Variants in LCA5L observed in about 807,000 individuals in gnomAD.
LCA5L encodes the protein lebercilin LCA5 like.
LCA5L carries 35 observed loss-of-function variants against 45.4 expected under a neutral mutation model. The observed-to-expected ratio is 0.77, with a 90% CI of 0.59 to 1.02. The LOEUF is 1.02. LCA5L is among the 50% of genes least tolerant of loss of function. LCA5L has a pLI of 0.00. For missense variants in LCA5L, 668 were observed against 761.6 expected, an observed-to-expected ratio of 0.88 and a Z score of 1.45; for synonymous variants, 233 against 264.7, an observed-to-expected ratio of 0.88 and a Z score of 1.16.
Position 39,420,834 on chromosome 21 carries a change from T to A in LCA5L, c.847A>T (p.Lys283Ter). The change falls in exon 7 of 11, where the codon AAA (lysine) becomes TAA (stop). Residue 283 changes from lysine (K) to a stop codon, truncating the protein, a stop_gained. Coordinates refer to ENST00000288350, the MANE Select transcript of LCA5L (RefSeq NM_152505.4). LOFTEE classifies it high-confidence loss of function. The part of the protein sequence containing the change: ...ANDKKIQSLE[K>*]QLRLNCRAFS... ...GCTCTGCAGTTCAACCTCAGTTGTT[T>A]TTCCAAGCTCTGAAAACAGTATATA... The A allele has an allele frequency of 6.2e-7, 1 of 1,612,790 alleles. No individual in the cohort carries two copies.
At chr21:39,421,101 G>GTTT (rs200770360) in intron 6 of LCA5L, among the ~76,000 whole-genome samples, 4 of 125,410 alleles carry the variant, frequency 3.2e-5, no homozygotes, top group East Asian at 2.2e-4. Context: ...TTAACAATTC[G>GTTT]TTTTTTTTTT....
At chr21:39,414,476 TC>T (rs2040683798) in intron 7 of LCA5L, among the ~76,000 whole-genome samples, 1 of 152,170 alleles carries the variant, frequency 6.6e-6, no homozygotes, top group African/African-American at 2.4e-5. Context: ...ACCAGACTCT[TC>T]CAAGCTCAAA....
intron 7 of LCA5L, among the ~76,000 whole-genome samples, chr21:39,414,774 GTGTGTC>G (rs1357072065): frequency 6.6e-6 from 1 of 151,358 alleles, no homozygotes; most frequent in East Asian, 1.9e-4. Context: ...GTGTGTGTGT[GTGTGTC>G]TGTGCATATT....
rs747262941 is a variant in LCA5L, at chr21:39,405,978, G to T, written c.1917C>A (p.Ala639=). Residue 639 remains alanine (A), a synonymous_variant, in exon 11 of 11, where the codon GCC becomes GCA. Coordinates refer to ENST00000288350, the MANE Select transcript of LCA5L (RefSeq NM_152505.4). ...AGTCTCCGAAAGCATGGCTGGTGGAGGCCTGACTGGGAGGCAGGGGATGCG... is the reference window on the plus strand; with the variant it reads ...AGTCTCCGAAAGCATGGCTGGTGGATGCCTGACTGGGAGGCAGGGGATGCG... ...KESHPLPPSQ[A]STSHAFGDSK... is the part of the protein sequence containing the mutation. 1 of 1,614,118 alleles carries T rather than the reference G, an allele frequency of 6.2e-7. No homozygotes were observed. The highest frequency in any genetic ancestry group is 8.5e-7 in the Non-Finnish European group (1 of 1,179,950).
Position 39,410,350 on chromosome 21 carries a change from C to A in LCA5L, c.1078G>T (p.Val360Phe), listed in dbSNP as rs1428751996. The stretch of plus-strand genomic sequence containing the variant: ...GGCAAAATTTTTCTGTCTGCTTGGA[C>A]TGATTTTGTTGAAGAAACTATGGAA... Reference protein sequence around the residue: ...DYPKVSSTKSVQADRKILPFT... With the variant: ...DYPKVSSTKSFQADRKILPFT... Residue 360 changes from valine to phenylalanine, a missense_variant, in exon 9 of 11, where the codon GTC becomes TTC. By Grantham distance (50) the Val-to-Phe change is conservative. Transcript: ENST00000288350. 1 of 1,600,196 alleles carries A rather than the reference C, an allele frequency of 6.2e-7. No homozygotes were observed. The highest frequency in any genetic ancestry group is 1.1e-5 in the South Asian group (1 of 88,668).
chr21:39,428,409 A>T lies in LCA5L; in HGVS notation c.85T>A (p.Cys29Ser), dbSNP rs2075132672. 6.2e-7 allele frequency: 1 copy of T among 1,612,946 alleles called. No homozygotes were observed. The highest frequency in any genetic ancestry group is 8.5e-7 in the Non-Finnish European group (1 of 1,179,710). ...ALENNRRSAA[C>S]KRSPGTGDFS... ...TCGCCTGTGCCTGGGCTTCTCTTGC[A>T]TGCTGCAGACCTCCTATTGTTTTCT... The change falls in exon 5 of 11, where the codon TGC (cysteine) becomes AGC (serine). Residue 29 changes from cysteine (C) to serine (S), a missense_variant. Transcript: ENST00000288350.
intron 2 of LCA5L, among the ~76,000 whole-genome samples, chr21:39,438,129 C>T (rs1289334257): frequency 2.0e-5 from 3 of 152,228 alleles, no homozygotes; most frequent in Non-Finnish European, 4.4e-5. Context: ...AAACTACAGT[C>T]ACTAAAATAG....
At chr21:39,411,408 A>T (rs73365940) in intron 8 of LCA5L, among the ~76,000 whole-genome samples, 1 of 152,156 alleles carries the variant, frequency 6.6e-6, no homozygotes, top group African/African-American at 2.4e-5. Flanking sequence ...AAAGCCATAC[A>T]CTGGCTAACA....
chr21:39,412,594 G>A (rs1165302018), intron 7 of LCA5L, among the ~76,000 whole-genome samples: 1 of 151,308 alleles, frequency 6.6e-6, no homozygotes, highest in Non-Finnish European at 1.5e-5. Context: ...TGACAGACGT[G>A]CATGTGCACA....
chr21:39,428,514 A>C lies in LCA5L; in HGVS notation c.-10-11T>G. On this transcript the variant is annotated splice_polypyrimidine_tract_variant and intron_variant, in intron 4 of 10. Coordinates refer to ENST00000288350, the MANE Select transcript of LCA5L (RefSeq NM_152505.4). ...GACATAGCAAACAACCTAATAAAAGAAAAGTAAAACCTAATAAAAGTATTT... is the reference window on the plus strand; with the variant it reads ...GACATAGCAAACAACCTAATAAAAGCAAAGTAAAACCTAATAAAAGTATTT... 3 of 1,441,736 alleles carry C rather than the reference A, an allele frequency of 2.1e-6. No individual in the cohort carries two copies. Among genetic ancestry groups the C allele is most frequent in the Non-Finnish European group, 2.8e-6 (3 of 1,084,344 alleles). 89.3% of individuals were successfully genotyped at this position (1,441,736 alleles called of 1,614,324 possible). A position where few individuals can be genotyped will look rare whatever the true frequency, so the allele number is the denominator to read the frequency against.
At chr21:39,415,662 T>C (rs2041004062) in intron 7 of LCA5L, among the ~76,000 whole-genome samples, 1 of 152,264 alleles carries the variant, frequency 6.6e-6, no homozygotes, top group Non-Finnish European at 1.5e-5. Context: ...TTCTATAGTT[T>C]TTAAAAGGTT....
intron 3 of LCA5L, among the ~76,000 whole-genome samples, chr21:39,430,795 G>C (rs1005821402): frequency 4.2e-4 from 64 of 152,064 alleles, no homozygotes; most frequent in Admixed American, 4.1e-3. Flanking sequence ...CATACCCTGT[G>C]GTTCAAACAA....
At chr21:39,444,422 T>C (rs1311743343) in intron 1 of LCA5L, among the ~76,000 whole-genome samples, 1 of 152,204 alleles carries the variant, frequency 6.6e-6, no homozygotes, top group Non-Finnish European at 1.5e-5. Flanking sequence ...GCTGACCCGG[T>C]TTAAAAGTTG....
intron 10 of LCA5L, among the ~76,000 whole-genome samples, chr21:39,407,576 A>G (rs1454777585): frequency 6.6e-6 from 1 of 152,204 alleles, no homozygotes; most frequent in Non-Finnish European, 1.5e-5. Context: ...TAAATAAGGT[A>G]TGGCACGTGC....
At position 39,411,714 on chromosome 21, in the gene LCA5L, A is replaced by T; in HGVS notation, c.1060+4T>A. ...GATTTTGAGCAAAAGTAATTAAAACATACCTTTTGGATAGTCCTCTGTGTC... is the reference window on the plus strand; with the variant it reads ...GATTTTGAGCAAAAGTAATTAAAACTTACCTTTTGGATAGTCCTCTGTGTC... On this transcript the variant is annotated splice_donor_region_variant and intron_variant, in intron 8 of 10. Transcript: ENST00000288350. 1 of 1,401,018 alleles carries T rather than the reference A, an allele frequency of 7.1e-7. No individual in the cohort carries two copies. Among genetic ancestry groups the T allele is most frequent in the East Asian group, 2.3e-5 (1 of 43,090 alleles). 86.8% of individuals were successfully genotyped at this position (1,401,018 alleles called of 1,614,324 possible).
chr21:39,405,828 A>C lies in LCA5L; in HGVS notation c.*54T>G. 7.6e-7 allele frequency: 1 copy of C among 1,310,406 alleles called. No individual in the cohort carries two copies. Among genetic ancestry groups the C allele is most frequent in the Non-Finnish European group, 1.0e-6 (1 of 974,436 alleles). 81.2% of individuals were successfully genotyped at this position (1,310,406 alleles called of 1,614,324 possible). A position where few individuals can be genotyped will look rare whatever the true frequency, so the allele number is the denominator to read the frequency against. Reference sequence around the variant, plus strand: ...TCACACATTTCAAAAATAAGATGCAAGGCACATAAGCAGCATTATATCAAA... The same window carrying C: ...TCACACATTTCAAAAATAAGATGCACGGCACATAAGCAGCATTATATCAAA... On this transcript the variant is annotated 3_prime_UTR_variant, in exon 11 of 11. Transcript: ENST00000288350.
chr21:39,413,971 ACGGTCCTC>A (rs1397600501), intron 7 of LCA5L: 2 of 152,314 alleles, frequency 1.3e-5, no homozygotes, highest in African/African-American at 4.8e-5. Context: ...AACCTGGAGG[ACGGTCCTC>A]CTTGCGGCTT....
chr21:39,432,657 C>A (rs1273963177), intron 3 of LCA5L, among the ~76,000 whole-genome samples: 1 of 152,142 alleles, frequency 6.6e-6, no homozygotes, highest in Non-Finnish European at 1.5e-5. Flanking sequence ...CATTGTAATT[C>A]CTCTCATCCT....
intron 5 of LCA5L, 83 bp downstream of exon 5, chr21:39,428,089 A>G: frequency 3.9e-6 from 3 of 765,538 alleles, no homozygotes; most frequent in Non-Finnish European, 6.6e-6. Context: ...AAAACTGAGT[A>G]TGAACCACTT....
Sources: allele counts gnomAD v4.1 joint callset (sites outside exome capture counted in the v4.1 genomes callset), GRCh38; gene constraint gnomAD v4.1.1; transcripts MANE v1.5; gene names NCBI Gene and HGNC (gene_info 2026-07-23, HGNC 2026-07-21).